The following PRKCQ variants were observed in gnomAD, a reference collection of about 807,000 sequenced individuals.
The protein encoded by PRKCQ is protein kinase C theta, also known as protein kinase C theta type.
PRKCQ carries 41 observed loss-of-function variants against 91.2 expected under a neutral mutation model. The ratio of observed to expected loss-of-function variants is 0.45; its 90% CI spans 0.35 to 0.58. PRKCQ has a LOEUF of 0.58. Ranked by LOEUF, PRKCQ falls within the 20% of genes least tolerant of loss-of-function variation. The pLI is 0.00. For synonymous variants in PRKCQ, 307 were observed against 316.9 expected (o/e 0.97, Z 0.33); for missense variants, 673 against 896.5 (o/e 0.75, Z 3.18).
chr10:6,523,060 C>T (rs558314364), intron 1 of PRKCQ, among the ~76,000 whole-genome samples: 10 of 151,978 alleles, frequency 6.6e-5, no homozygotes, highest in African/African-American at 9.7e-5. Context: ...AGTTGGGTAG[C>T]GTTTTGCTTT....
At chr10:6,432,001 A>T (rs1475640019) in intron 16 of PRKCQ, among the ~76,000 whole-genome samples, 3 of 152,248 alleles carry the variant, frequency 2.0e-5, no homozygotes, top group Non-Finnish European at 1.5e-5. Context: ...GCATTAAGAA[A>T]CAGGAGAGTC....
intron 16 of PRKCQ, 53 bp downstream of exon 16, chr10:6,441,840 A>C: frequency 6.6e-7 from 1 of 1,515,850 alleles, no homozygotes; most frequent in Non-Finnish European, 8.9e-7. Context: ...CAGAAAACTG[A>C]CCAGAAGACC....
intron 16 of PRKCQ, among the ~76,000 whole-genome samples, chr10:6,436,808 AC>A (rs35372351): frequency 0.38 from 57,512 of 152,036 alleles, 13,043 homozygotes; most frequent in East Asian, 0.7. Context: ...ACTGGAAGGA[AC>A]CCTTTCTTCC....
rs777706116 is a variant in PRKCQ at position 6,497,090 on chromosome 10, A to G, written c.605T>C (p.Ile202Thr). 6.2e-7 allele frequency: 1 copy of G among 1,613,910 alleles called. No homozygotes were observed. The highest frequency in any genetic ancestry group is 1.1e-5 in the South Asian group (1 of 91,054). Residue 202 changes from isoleucine to threonine, a missense_variant, in exon 7 of 18, where the codon ATT becomes ACT. By Grantham distance (89) the Ile-to-Thr change is moderately conservative. Transcript: ENST00000263125. The surrounding 1 kb of genome is among the most constrained non-coding windows in gnomAD (Gnocchi z 4.5). ...QCNAAIHKKC[I>T]DKVIAKCTGS... ...TGTGCACTTTGCTATAACTTTATCA[A>G]TACACTTCTTGTGAATTGCTGCATT...
chr10:6,404,709 C>A, the PRKCQ span, among the ~76,000 whole-genome samples: 12 of 137,128 alleles, frequency 8.8e-5, no homozygotes, highest in South Asian at 2.8e-3. Context: ...TTTTTTCTTT[C>A]TTTCTCTCTC....
intron 8 of PRKCQ, chr10:6,489,325 C>G (rs996812830): frequency 2.5e-5 from 12 of 478,604 alleles, no homozygotes; most frequent in African/African-American, 1.8e-4. Flanking sequence ...CTAGGCTTCT[C>G]TGTGACTTGC....
At chr10:6,521,840 C>G (rs1408628540) in intron 1 of PRKCQ, among the ~76,000 whole-genome samples, 1 of 152,144 alleles carries the variant, frequency 6.6e-6, no homozygotes, top group East Asian at 1.9e-4. Flanking sequence ...TCCATCCAAT[C>G]TTCCAAGCTT....
intron 2 of PRKCQ, among the ~76,000 whole-genome samples, chr10:6,513,059 A>G (rs1838561994): frequency 6.6e-6 from 1 of 152,168 alleles, no homozygotes. Context: ...AAAGTCCCCA[A>G]AGCAAGGCAC....
At chr10:6,527,762 C>T (rs72783705) in intron 1 of PRKCQ, among the ~76,000 whole-genome samples, 11,096 of 152,212 alleles carry the variant, frequency 0.073, 539 homozygotes, top group Middle Eastern at 0.1. Context: ...GCCACCGTCA[C>T]ACACTGCTTA....
chr10:6,550,673 C>T (rs374480405), intron 1 of PRKCQ, among the ~76,000 whole-genome samples: 2 of 152,208 alleles, frequency 1.3e-5, no homozygotes, highest in East Asian at 3.8e-4. Flanking sequence ...TGCTGCTAAT[C>T]GATGTGGGTG....
At chr10:6,531,267 T>G (rs535462715) in intron 1 of PRKCQ, among the ~76,000 whole-genome samples, 81 of 152,192 alleles carry the variant, frequency 5.3e-4, no homozygotes, top group Non-Finnish European at 9.9e-4. Context: ...AGCAGCTTTC[T>G]CGTTTCTATT....
chr10:6,457,180 T>G (rs545980403), intron 14 of PRKCQ, among the ~76,000 whole-genome samples: 17 of 152,344 alleles, frequency 1.1e-4, no homozygotes, highest in African/African-American at 3.8e-4. Context: ...TGAATTATAC[T>G]GCACCTAATT....
At position 6,430,658 on chromosome 10, in the gene PRKCQ, T is replaced by G; in HGVS notation, c.1965+152A>C. ...TCCCTGCCCCACCAGCCCAGTAACA[T>G]GTGTTAGAGACGTGCATTCCTCCTG... On this transcript the variant is annotated intron_variant, in intron 17 of 17. Transcript: ENST00000263125. This position sits in a 1 kb window ranked among gnomAD's most constrained non-coding sequence, Gnocchi z 4.7. 7 of 1,141,534 alleles carry G rather than the reference T, an allele frequency of 6.1e-6. No individual in the cohort carries two copies. Among genetic ancestry groups the G allele is most frequent in the Non-Finnish European group, 8.6e-6 (7 of 813,074 alleles). The allele number at this position is 1,141,534 out of a possible 1,614,324, so 70.7% of individuals were successfully genotyped here. A position where few individuals can be genotyped will look rare whatever the true frequency, so the allele number is the denominator to read the frequency against.
rs552583164 is a variant in PRKCQ, at chr10:6,448,762, A to G, written c.1648-6681T>C. Among the ~76,000 whole-genome samples, 71 of 152,218 alleles carry G rather than the reference A, an allele frequency of 4.7e-4. 1 individual carries two copies. In the South Asian group the frequency reaches 0.014, roughly 30 times the overall value. On this transcript the variant is annotated intron_variant, in intron 15 of 17. Transcript: ENST00000263125. ...CTCATTATTTTGATGAAGCATAGAT[A>G]TTTTTGTAGTATTAATAAATATAGT... is the stretch of plus-strand genomic sequence containing the variant.
chr10:6,556,179 C>T (rs1840405989), intron 1 of PRKCQ, among the ~76,000 whole-genome samples: 2 of 152,072 alleles, frequency 1.3e-5, no homozygotes, highest in Admixed American at 6.5e-5. Context: ...CCTGTAATCC[C>T]AGCACTTTGG....
In PRKCQ at chr10:6,497,207, C is replaced by T; in HGVS notation, c.574+13G>A. ...AAGAATGATGGTAATGCAACCAAAACCCTCTTACTTACGTCGGCACTGGTA... is the reference window on the plus strand; with the variant it reads ...AAGAATGATGGTAATGCAACCAAAATCCTCTTACTTACGTCGGCACTGGTA... On this transcript the variant is annotated intron_variant, in intron 6 of 17. Coordinates refer to ENST00000263125, the MANE Select transcript of PRKCQ (RefSeq NM_006257.5). This position sits in a 1 kb window ranked among gnomAD's most constrained non-coding sequence, Gnocchi z 4.5. 2 of 1,614,150 alleles carry T rather than the reference C, an allele frequency of 1.2e-6. No individual in the cohort carries two copies. The highest frequency in any genetic ancestry group is 1.7e-6 in the Non-Finnish European group (2 of 1,180,016).
At chr10:6,524,468 T>C (rs1169151003) in intron 1 of PRKCQ, among the ~76,000 whole-genome samples, 1 of 152,176 alleles carries the variant, frequency 6.6e-6, no homozygotes, top group Non-Finnish European at 1.5e-5. Context: ...ACCTGCCACA[T>C]CTACCGTCTT....
At chr10:6,549,608 A>T (rs1184611306) in intron 1 of PRKCQ, among the ~76,000 whole-genome samples, 1 of 150,848 alleles carries the variant, frequency 6.6e-6, no homozygotes, top group Non-Finnish European at 1.5e-5. Flanking sequence ...TAAAAAGCAC[A>T]TAACATAAAA....
intron 16 of PRKCQ, among the ~76,000 whole-genome samples, chr10:6,435,001 G>A (rs1280257189): frequency 3.3e-5 from 5 of 152,060 alleles, no homozygotes; most frequent in African/African-American, 4.8e-5. Context: ...TGCAAGCTCC[G>A]CCTCCCGCGT....
Sources: allele counts gnomAD v4.1 joint callset (sites outside exome capture counted in the v4.1 genomes callset), GRCh38; gene constraint gnomAD v4.1.1; non-coding constraint Gnocchi (gnomAD v3.1); transcripts MANE v1.5; gene names NCBI Gene and HGNC (gene_info 2026-07-23, HGNC 2026-07-21).